Variants in NOS1AP observed in about 807,000 individuals in gnomAD.
NOS1AP encodes the protein carboxyl-terminal PDZ ligand of neuronal nitric oxide synthase protein.
Under a neutral mutation model 56.2 loss-of-function variants are expected in NOS1AP, and 21 were observed. The observed-to-expected ratio is 0.37, with a 90% CI of 0.26 to 0.54. NOS1AP has a LOEUF of 0.54. NOS1AP is among the 20% of genes least tolerant of loss of function. NOS1AP has a pLI of 0.84. For synonymous variants in NOS1AP, 270 were observed against 274.6 expected (o/e 0.98, Z 0.17); for missense variants, 522 against 657.8 (o/e 0.79, Z 2.26).
chr1:162,160,047 G>A lies in NOS1AP; in HGVS notation c.177+5571G>A, dbSNP rs188298633. On this transcript the variant is annotated intron_variant, in intron 2 of 9. Coordinates refer to ENST00000361897, the MANE Select transcript of NOS1AP (RefSeq NM_014697.3). The stretch of plus-strand genomic sequence containing the variant: ...GGGGATAGATCCCTGCAGTCGAAAC[G>A]TGGTGCAGCCTCTGGTGGCCAATAC... 1.8e-3 allele frequency among the ~76,000 whole-genome samples: 277 copies of A among 152,302 alleles called. 6 individuals carry two copies. The highest frequency in any genetic ancestry group is 0.016 in the Admixed American group (250 of 15,300).
chr1:162,310,622 C>T (rs892988959), intron 4 of NOS1AP, among the ~76,000 whole-genome samples: 4 of 152,308 alleles, frequency 2.6e-5, no homozygotes, highest in East Asian at 3.9e-4. Flanking sequence ...CCCAATTTTA[C>T]GCATGGAGAA....
chr1:162,072,251 A>G (rs1032567511), intron 1 of NOS1AP, among the ~76,000 whole-genome samples: 1 of 152,214 alleles, frequency 6.6e-6, no homozygotes, highest in Non-Finnish European at 1.5e-5. Flanking sequence ...TTAATTTGAT[A>G]CATCTTGGGG....
chr1:162,259,018 A>G (rs567458365), intron 2 of NOS1AP, among the ~76,000 whole-genome samples: 4 of 152,236 alleles, frequency 2.6e-5, no homozygotes, highest in African/African-American at 9.6e-5. Context: ...ATGATTCAGT[A>G]TCACCAGCCT....
chr1:162,303,722 G>A (rs934649946), intron 4 of NOS1AP, among the ~76,000 whole-genome samples: 2 of 152,104 alleles, frequency 1.3e-5, no homozygotes, highest in Non-Finnish European at 2.9e-5. Context: ...GATTATAGAC[G>A]TGAGCCACTG....
chr1:162,124,667 G>A lies in NOS1AP; in HGVS notation c.106-29738G>A, dbSNP rs190881561. Among the ~76,000 whole-genome samples the A allele has an allele frequency of 3.4e-4, 51 of 151,794 alleles. 1 individual carries two copies. In the East Asian group the frequency reaches 8.8e-3, roughly 26 times the overall value. The stretch of plus-strand genomic sequence containing the variant: ...CTCCTGAGTAGCTGGGATTACAGGC[G>A]CCCGCCAGCGCGCCCAGCTAATTTT... On this transcript the variant is annotated intron_variant, in intron 1 of 9. Transcript: ENST00000361897.
Position 162,264,451 on chromosome 1 carries a change from T to TCTCCTCTCCTCTCC in NOS1AP, c.178-22893_178-22892insCTCCTCTCCTCTCC, listed in dbSNP as rs1411025665. Among the ~76,000 whole-genome samples, 154 of 18,162 alleles carry TCTCCTCTCCTCTCC rather than the reference T, an allele frequency of 8.5e-3. 1 individual carries two copies. The highest frequency in any genetic ancestry group is 9.4e-3 in the Admixed American group (14 of 1,494). The allele number at this position is 18,162 out of a possible 152,430, so 11.9% of individuals were successfully genotyped here. On this transcript the variant is annotated intron_variant, in intron 2 of 9. Transcript: ENST00000361897. ...TTCTCTTCTCTTCTCTTCTCTTCTC[T>TCTCCTCTCCTCTCC]TCTCTTCTCTTCTCCTCCCCTCCCC...
chr1:162,145,070 C>T (rs534605536), intron 1 of NOS1AP, among the ~76,000 whole-genome samples: 1 of 152,220 alleles, frequency 6.6e-6, no homozygotes, highest in Non-Finnish European at 1.5e-5. Context: ...TCGGCCCCTG[C>T]TGAGCTACTG....
chr1:162,362,935 G>A, intron 8 of NOS1AP: 1 of 975,110 alleles, frequency 1.0e-6, no homozygotes, highest in African/African-American at 1.8e-5. Context: ...AGTGGATATA[G>A]GAAGAAACAA....
At chr1:162,342,106 T>C (rs1039629776) in intron 5 of NOS1AP, among the ~76,000 whole-genome samples, 1 of 152,196 alleles carries the variant, frequency 6.6e-6, no homozygotes, top group Non-Finnish European at 1.5e-5. Context: ...AGGGTAGATG[T>C]AGAAAACAGA....
At chr1:162,158,468 C>CT (rs1303005262) in intron 2 of NOS1AP, among the ~76,000 whole-genome samples, 1 of 152,136 alleles carries the variant, frequency 6.6e-6, no homozygotes, top group Non-Finnish European at 1.5e-5. Flanking sequence ...ATGTAAATAT[C>CT]TTTTTGAGAT....
At chr1:162,172,623 A>G (rs1650848991) in intron 2 of NOS1AP, among the ~76,000 whole-genome samples, 1 of 152,128 alleles carries the variant, frequency 6.6e-6, no homozygotes, top group Admixed American at 6.5e-5. Context: ...TTATTGTCAT[A>G]TATCACTATT....
intron 1 of NOS1AP, among the ~76,000 whole-genome samples, chr1:162,145,173 A>G (rs1349328199): frequency 7.2e-6 from 1 of 139,424 alleles, no homozygotes; most frequent in Non-Finnish European, 1.5e-5. Flanking sequence ...TAAGTGCCTC[A>G]TTCCTCTTAG....
intron 2 of NOS1AP, among the ~76,000 whole-genome samples, chr1:162,160,298 C>CAGAAAAT (rs1650147661): frequency 6.6e-6 from 1 of 152,134 alleles, no homozygotes; most frequent in African/African-American, 2.4e-5. Flanking sequence ...CAGAATTCAC[C>CAGAAAAT]GGTGACCAGA....
intron 1 of NOS1AP, among the ~76,000 whole-genome samples, chr1:162,080,341 T>C (rs1425439619): frequency 6.6e-6 from 1 of 152,210 alleles, no homozygotes; most frequent in African/African-American, 2.4e-5. Flanking sequence ...GTGAGGCTTC[T>C]GTGTCTTACC....
At position 162,296,863 on chromosome 1, in the gene NOS1AP, G is replaced by C. The variant is rs371282692; in HGVS notation, c.271-3770G>C. On this transcript the variant is annotated intron_variant, in intron 3 of 9. Coordinates refer to ENST00000361897, the MANE Select transcript of NOS1AP (RefSeq NM_014697.3). Reference sequence around the variant, plus strand: ...ATCCTCTCCCTCAGTGTTGCCACCAGTATGAGTGGAAATAGAGTCACAGGT... The same window carrying C: ...ATCCTCTCCCTCAGTGTTGCCACCACTATGAGTGGAAATAGAGTCACAGGT... Among the ~76,000 whole-genome samples the C allele has an allele frequency of 1.3e-4, 20 of 152,324 alleles. No homozygotes were observed. In the East Asian group the frequency reaches 3.1e-3, roughly 23 times the overall value.
chr1:162,166,427 C>G (rs945711), intron 2 of NOS1AP, among the ~76,000 whole-genome samples: 149,473 of 152,326 alleles, frequency 0.98, 73,395 homozygotes, highest in East Asian at 1. Context: ...TTCTATTCCT[C>G]CTCTTCCTTC....
intron 2 of NOS1AP, among the ~76,000 whole-genome samples, chr1:162,226,918 CTT>C (rs34269221): frequency 6.8e-6 from 1 of 147,298 alleles, no homozygotes; most frequent in Non-Finnish European, 1.5e-5. Flanking sequence ...ATACTAGTGA[CTT>C]TTTTTTTTTT....
intron 6 of NOS1AP, among the ~76,000 whole-genome samples, chr1:162,350,085 C>T (rs879725074): frequency 3.3e-5 from 5 of 152,182 alleles, no homozygotes; most frequent in African/African-American, 4.8e-5. Flanking sequence ...ACACCTTGAG[C>T]GCCCAGAGTT....
intron 1 of NOS1AP, among the ~76,000 whole-genome samples, chr1:162,131,978 A>G (rs956936254): frequency 2.0e-5 from 3 of 152,136 alleles, no homozygotes; most frequent in African/African-American, 7.2e-5. Context: ...ATCAAATGAG[A>G]TGTGTGAAAA....
Sources: gnomAD v4.1 joint callset for allele counts (sites outside exome capture counted in the v4.1 genomes callset) on GRCh38, gnomAD v4.1.1 for gene constraint, MANE v1.5 for transcripts, NCBI Gene and HGNC (gene_info 2026-07-23, HGNC 2026-07-21) for gene names.